GNA14: variants seen among roughly 807,000 people sequenced by gnomAD.
GNA14 encodes guanine nucleotide-binding protein subunit alpha-14.
Under a neutral mutation model 42.0 loss-of-function variants are expected in GNA14, and 50 were observed. The ratio of observed to expected loss-of-function variants is 1.19; its 90% CI spans 0.95 to 1.51. The LOEUF (loss-of-function observed/expected upper bound fraction) is 1.51, where lower values mean the gene tolerates loss of function less well. GNA14 is among the 40% of genes most tolerant of loss of function. The pLI is 0.00. For synonymous variants in GNA14, 173 were observed against 163.1 expected (o/e 1.06, Z -0.46); for missense variants, 473 against 446.2 (o/e 1.06, Z -0.54).
chr9:77,577,132 T>C (rs1823141287), intron 1 of GNA14, among the ~76,000 whole-genome samples: 1 of 152,234 alleles, frequency 6.6e-6, no homozygotes, highest in Non-Finnish European at 1.5e-5. Flanking sequence ...CTTGCTAATA[T>C]GCAGATCCAC....
intron 2 of GNA14, among the ~76,000 whole-genome samples, chr9:77,458,857 A>G (rs1348738101): frequency 7.0e-6 from 1 of 143,826 alleles, no homozygotes; most frequent in Non-Finnish European, 1.5e-5. Context: ...AGAGTTCCAC[A>G]AAGTCCACCT....
intron 1 of GNA14, among the ~76,000 whole-genome samples, chr9:77,641,217 C>T (rs552411676): frequency 5.3e-5 from 8 of 150,386 alleles, no homozygotes; most frequent in African/African-American, 2.0e-4. Flanking sequence ...CAAATGCCAA[C>T]TGGTAAATGT....
At chr9:77,469,922 G>A (rs547478805) in intron 2 of GNA14, among the ~76,000 whole-genome samples, 5 of 152,162 alleles carry the variant, frequency 3.3e-5, no homozygotes, top group South Asian at 2.1e-4. Context: ...TGATGGACAC[G>A]TGCATACATA....
At chr9:77,444,544 G>C (rs748862501) in intron 2 of GNA14, among the ~76,000 whole-genome samples, 25 of 152,160 alleles carry the variant, frequency 1.6e-4, no homozygotes, top group Non-Finnish European at 2.4e-4. Flanking sequence ...GTTCCAGCCT[G>C]CCCTTGCTCT....
At chr9:77,524,532 G>A (rs12115368) in intron 2 of GNA14, among the ~76,000 whole-genome samples, 12,418 of 152,176 alleles carry the variant, frequency 0.082, 1,708 homozygotes, top group African/African-American at 0.28. Flanking sequence ...AATAAAAGCT[G>A]AAGTTTTATT....
intron 2 of GNA14, among the ~76,000 whole-genome samples, chr9:77,446,997 T>C (rs1835830589): frequency 6.6e-6 from 1 of 151,916 alleles, no homozygotes; most frequent in Admixed American, 6.6e-5. Flanking sequence ...GGAGTTTCAT[T>C]CTGTTGCCCA....
intron 2 of GNA14, among the ~76,000 whole-genome samples, chr9:77,524,843 A>G (rs949685806): frequency 6.6e-6 from 1 of 152,168 alleles, no homozygotes; most frequent in Admixed American, 6.5e-5. Flanking sequence ...CCCCAATAAT[A>G]ACCTTGTGTT....
Position 77,521,517 on chromosome 9 carries a change from T to C in GNA14, c.309+7552A>G, listed in dbSNP as rs114455714. Among the ~76,000 whole-genome samples the C allele has an allele frequency of 9.8e-3, 1,497 of 152,316 alleles. 27 individuals carry two copies. The highest frequency in any genetic ancestry group is 0.034 in the African/African-American group (1,399 of 41,568). On this transcript the variant is annotated intron_variant, in intron 2 of 6. Transcript: ENST00000341700. ...TTTTCACTGAACTCTGACTGATTTCTTCACAGGCATCCTTAAGAAATTCTC... is the reference window on the plus strand; with the variant it reads ...TTTTCACTGAACTCTGACTGATTTCCTCACAGGCATCCTTAAGAAATTCTC...
intron 1 of GNA14, among the ~76,000 whole-genome samples, chr9:77,596,680 G>C (rs920117481): frequency 6.6e-6 from 1 of 152,058 alleles, no homozygotes; most frequent in Non-Finnish European, 1.5e-5. Flanking sequence ...TAAATCTTGG[G>C]CCCCCAAATC....
intron 1 of GNA14, among the ~76,000 whole-genome samples, chr9:77,531,706 A>C (rs576474916): frequency 7.0e-6 from 1 of 142,356 alleles, no homozygotes; most frequent in African/African-American, 2.6e-5. Flanking sequence ...CACACCCAAA[A>C]ATCTACACTA....
At chr9:77,637,807 A>G (rs769011532) in intron 1 of GNA14, among the ~76,000 whole-genome samples, 1 of 152,202 alleles carries the variant, frequency 6.6e-6, no homozygotes, top group Non-Finnish European at 1.5e-5. Context: ...TAAACCATGA[A>G]AAGAAAAATT....
chr9:77,622,133 G>T (rs1043417238), intron 1 of GNA14, among the ~76,000 whole-genome samples: 12 of 152,266 alleles, frequency 7.9e-5, no homozygotes, highest in African/African-American at 2.9e-4. Flanking sequence ...TGAAAGAAAA[G>T]AAACTTGTGT....
chr9:77,488,940 G>A (rs1216063759), intron 2 of GNA14, among the ~76,000 whole-genome samples: 1 of 152,038 alleles, frequency 6.6e-6, no homozygotes, highest in African/African-American at 2.4e-5. Context: ...CAAGGAGTCT[G>A]CAACTGACCC....
chr9:77,626,626 T>C (rs1824016610), intron 1 of GNA14, among the ~76,000 whole-genome samples: 1 of 152,150 alleles, frequency 6.6e-6, no homozygotes, highest in Admixed American at 6.6e-5. Flanking sequence ...AACAACCTGC[T>C]CCTGAATGAC....
chr9:77,642,821 T>TC (rs765409940), intron 1 of GNA14, among the ~76,000 whole-genome samples: 26 of 152,090 alleles, frequency 1.7e-4, no homozygotes, highest in Non-Finnish European at 3.5e-4. Context: ...TGAAATCTGG[T>TC]CCCCAAGGGA....
chr9:77,431,649 G>T, intron 3 of GNA14, 200 bp from the exon 4 acceptor site: 1 of 490,372 alleles, frequency 2.0e-6, no homozygotes, highest in South Asian at 4.1e-5. Context: ...TGGGTCAGAA[G>T]GACTTCCATG....
intron 1 of GNA14, among the ~76,000 whole-genome samples, chr9:77,640,403 G>A (rs946646478): frequency 1.3e-5 from 2 of 152,070 alleles, no homozygotes; most frequent in African/African-American, 4.8e-5. Flanking sequence ...CCCTACACAT[G>A]GGAGTTGTTA....
chr9:77,517,589 T>TC (rs1564039552), intron 2 of GNA14: 2 of 118,634 alleles, frequency 1.7e-5, no homozygotes, highest in Non-Finnish European at 3.4e-5. Flanking sequence ...CTGGTACTTT[T>TC]CTTTTTTTTT....
chr9:77,529,145 T>C lies in GNA14; in HGVS notation c.233A>G (p.Asn78Ser), dbSNP rs1837488676. ...CATGGCTTGCATGGCGGTGAATATG[T>C]TTTGGTAAACCAGCTTCGTGAACCC... ...RKGFTKLVYQNIFTAMQAMIR... is the reference protein window; with the variant it reads ...RKGFTKLVYQSIFTAMQAMIR... Residue 78 changes from asparagine to serine, a missense_variant, in exon 2 of 7, where the codon AAC becomes AGC. Physicochemically the swap from Asn to Ser is conservative, Grantham distance 46. Coordinates refer to ENST00000341700, the MANE Select transcript of GNA14 (RefSeq NM_004297.4). 4.3e-6 allele frequency: 7 copies of C among 1,614,152 alleles called. No homozygotes were observed. Among genetic ancestry groups the C allele is most frequent in the South Asian group, 2.2e-5 (2 of 91,086 alleles).
Sources: gnomAD v4.1 joint callset for allele counts (sites outside exome capture counted in the v4.1 genomes callset) on GRCh38, gnomAD v4.1.1 for gene constraint, MANE v1.5 for transcripts, NCBI Gene and HGNC (gene_info 2026-07-23, HGNC 2026-07-21) for gene names.